Variants in OPCML observed in about 807,000 individuals in gnomAD.
OPCML encodes opioid-binding protein/cell adhesion molecule.
In OPCML, 13 loss-of-function variants were observed where a neutral mutation model predicts 37.8. That is an observed-to-expected ratio of 0.34 (90% confidence interval 0.22 to 0.55). The LOEUF (loss-of-function observed/expected upper bound fraction) is 0.55, where lower values mean the gene tolerates loss of function less well. OPCML is among the 20% of genes least tolerant of loss of function. The pLI is 0.91. For synonymous variants in OPCML, 176 were observed against 168.8 expected (o/e 1.04, Z -0.33); for missense variants, 341 against 435.6 (o/e 0.78, Z 1.93).
At chr11:132,639,689 C>G (rs1940734706) in intron 3 of OPCML, among the ~76,000 whole-genome samples, 1 of 152,182 alleles carries the variant, frequency 6.6e-6, no homozygotes, top group Non-Finnish European at 1.5e-5. Flanking sequence ...AGAGACCTTT[C>G]CTGCTGCAAA....
chr11:133,211,055 C>T lies in OPCML; in HGVS notation c.62-268045G>A, dbSNP rs1939336356. Reference sequence around the variant, plus strand: ...GAAGTCTCTCTACAAACTATAACCACCTAGTAATAGAAATGAAATGAGGCA... The same window carrying T: ...GAAGTCTCTCTACAAACTATAACCATCTAGTAATAGAAATGAAATGAGGCA... On this transcript the variant is annotated intron_variant, in intron 1 of 7. Transcript: ENST00000524381. The surrounding 1 kb of genome is among the most constrained non-coding windows in gnomAD (Gnocchi z 4.1). 6.6e-6 allele frequency among the ~76,000 whole-genome samples: 1 copy of T among 152,146 alleles called. No individual in the cohort carries two copies. The highest frequency in any genetic ancestry group is 6.5e-5 in the Admixed American group (1 of 15,278).
intron 1 of OPCML, among the ~76,000 whole-genome samples, chr11:133,387,625 T>C (rs1376118145): frequency 3.9e-5 from 6 of 152,242 alleles, no homozygotes; most frequent in Non-Finnish European, 7.3e-5. Context: ...ACTCAGTGTT[T>C]GTATTTTTCA....
intron 1 of OPCML, among the ~76,000 whole-genome samples, chr11:133,020,786 G>A (rs1044115687): frequency 6.6e-6 from 1 of 152,168 alleles, no homozygotes; most frequent in Non-Finnish European, 1.5e-5. Context: ...GTGTAGAAAA[G>A]CAATGATTTT....
At chr11:133,442,193 G>T (rs541728884) in intron 1 of OPCML, among the ~76,000 whole-genome samples, 1 of 152,240 alleles carries the variant, frequency 6.6e-6, no homozygotes, top group African/African-American at 2.4e-5. Context: ...AACTGAATTT[G>T]ACTAGGTCCT....
chr11:133,062,207 C>T (rs1049072900), intron 1 of OPCML, among the ~76,000 whole-genome samples: 2 of 152,158 alleles, frequency 1.3e-5, no homozygotes, highest in African/African-American at 4.8e-5. Flanking sequence ...CCCGTAACAC[C>T]AGACTCTACC....
At chr11:132,993,337 C>T (rs570004288) in intron 1 of OPCML, among the ~76,000 whole-genome samples, 47 of 152,244 alleles carry the variant, frequency 3.1e-4, no homozygotes, top group African/African-American at 1.1e-3. Flanking sequence ...CCTTTCTGTC[C>T]TCGGGAGCAT....
At chr11:133,515,162 C>T (rs1261622733) in intron 1 of OPCML, among the ~76,000 whole-genome samples, 1 of 152,224 alleles carries the variant, frequency 6.6e-6, no homozygotes, top group Non-Finnish European at 1.5e-5. Flanking sequence ...TCCTCACAGA[C>T]TTGAACCAGA....
chr11:133,176,013 A>G (rs912102830), intron 1 of OPCML, among the ~76,000 whole-genome samples: 4 of 152,200 alleles, frequency 2.6e-5, no homozygotes, highest in Non-Finnish European at 5.9e-5. Flanking sequence ...ATGAAGCTTT[A>G]TGAAAATATA....
intron 1 of OPCML, among the ~76,000 whole-genome samples, chr11:133,080,418 C>T (rs775517395): frequency 2.6e-5 from 4 of 151,162 alleles, no homozygotes; most frequent in Non-Finnish European, 4.4e-5. Context: ...AGAATGCCAA[C>T]GATTCCATAC....
At chr11:133,451,552 G>T (rs1224805723) in intron 1 of OPCML, among the ~76,000 whole-genome samples, 2 of 151,688 alleles carry the variant, frequency 1.3e-5, no homozygotes, top group Non-Finnish European at 2.9e-5. Context: ...TGTATTTAAA[G>T]ATTGGTTTAG....
intron 1 of OPCML, among the ~76,000 whole-genome samples, chr11:133,180,034 C>A (rs770927709): frequency 5.9e-5 from 9 of 152,144 alleles, no homozygotes; most frequent in Non-Finnish European, 1.2e-4. Flanking sequence ...TAAATATGGT[C>A]CCTGACCCTG....
At chr11:132,714,077 T>G (rs557220962) in intron 2 of OPCML, among the ~76,000 whole-genome samples, 1 of 152,326 alleles carries the variant, frequency 6.6e-6, no homozygotes, top group South Asian at 2.1e-4. Flanking sequence ...CACTTGAATA[T>G]TTAAGTTACA....
At chr11:132,549,672 G>T (rs111392164) in intron 3 of OPCML, among the ~76,000 whole-genome samples, 1 of 152,202 alleles carries the variant, frequency 6.6e-6, no homozygotes, top group African/African-American at 2.4e-5. Flanking sequence ...GCTTGCACGC[G>T]TGAATGCGGC....
At position 133,471,975 on chromosome 11, in the gene OPCML, G is replaced by A. The variant is rs12273767; in HGVS notation, c.61+60289C>T. Among the ~76,000 whole-genome samples, 1,237 of 152,298 alleles carry A rather than the reference G, an allele frequency of 8.1e-3. 9 individuals are homozygous for A. Among genetic ancestry groups the A allele is most frequent in the Non-Finnish European group, 0.013 (865 of 68,032 alleles). On this transcript the variant is annotated intron_variant, in intron 1 of 7. Transcript: ENST00000524381. The stretch of plus-strand genomic sequence containing the variant: ...CCTGAAGTGGGCTTGACCCTAACAC[G>A]TCTGACCATGAGAGCTGATCTTTCT...
chr11:132,516,561 A>G (rs1469254485), intron 4 of OPCML, among the ~76,000 whole-genome samples: 1 of 152,186 alleles, frequency 6.6e-6, no homozygotes, highest in African/African-American at 2.4e-5. Flanking sequence ...ACCTGCTCTC[A>G]AATAACCTAA....
chr11:133,458,581 G>GTATATACACATATATACACTGTGTGTGTA (rs1555161997), intron 1 of OPCML, among the ~76,000 whole-genome samples: 1 of 95,752 alleles, frequency 1.0e-5, no homozygotes, highest in Non-Finnish European at 1.7e-5. Flanking sequence ...ACACGTGTGT[G>GTATATACACATATATACACTGTGTGTGTA]TACACATATA....
intron 1 of OPCML, among the ~76,000 whole-genome samples, chr11:133,245,572 G>C (rs1442626760): frequency 6.6e-6 from 1 of 152,174 alleles, no homozygotes; most frequent in African/African-American, 2.4e-5. Flanking sequence ...GCCTTCCTGA[G>C]ACTCGTGTGT....
At chr11:133,418,231 A>C in intron 1 of OPCML, 1 of 985,398 alleles carries the variant, frequency 1.0e-6, no homozygotes, top group Non-Finnish European at 1.2e-6. Context: ...ATCTGTATCT[A>C]GTTTTTAAGA....
intron 4 of OPCML, among the ~76,000 whole-genome samples, chr11:132,509,789 G>A (rs2096264955): frequency 6.6e-6 from 1 of 152,212 alleles, no homozygotes; most frequent in African/African-American, 2.4e-5. Flanking sequence ...GCAGGGGTGG[G>A]GCCCTCATGG....
Sources: gnomAD v4.1 joint callset for allele counts (sites outside exome capture counted in the v4.1 genomes callset) on GRCh38, gnomAD v4.1.1 for gene constraint, Gnocchi (gnomAD v3.1) non-coding constraint, MANE v1.5 for transcripts, NCBI Gene and HGNC (gene_info 2026-07-23, HGNC 2026-07-21) for gene names.